Variants in CMPK2 observed in about 807,000 individuals in gnomAD.
CMPK2 encodes the protein UMP-CMP kinase 2, mitochondrial.
In CMPK2, 32 loss-of-function variants were observed where a neutral mutation model predicts 33.4. The observed-to-expected ratio is 0.96, with a 90% confidence interval of 0.72 to 1.29. The LOEUF (loss-of-function observed/expected upper bound fraction) is 1.29, where lower values mean the gene tolerates loss of function less well. CMPK2 is among the 50% of genes most tolerant of loss of function. The pLI, the probability that CMPK2 is intolerant of heterozygous loss-of-function variation, is 0.00. For missense variants in CMPK2, 672 were observed against 616.0 expected, an observed-to-expected ratio of 1.09 and a Z score of -0.96; for synonymous variants, 299 against 275.3, an observed-to-expected ratio of 1.09 and a Z score of -0.85.
intron 3 of CMPK2, among the ~76,000 whole-genome samples, chr2:6,853,889 G>A (rs969857421): frequency 3.3e-5 from 5 of 151,716 alleles, no homozygotes; most frequent in East Asian, 1.9e-4. Context: ...GCAACAGAGC[G>A]AGACTTCATC....
rs114857686 is a variant in CMPK2 at position 6,849,857 on chromosome 2, T to C, written c.1343A>G (p.Glu448Gly). The C allele has an allele frequency of 2.0e-3, 3,163 of 1,613,862 alleles. 62 individuals are homozygous for C. In the African/African-American group the frequency reaches 0.038, roughly 19 times the overall value. ...VLSLIQNSFS[E>G]P Reference sequence around the variant, plus strand: ...GGCACCTGGCCAGAGTAACTACGGTTCACTAAAACTATTCTGGATTAGGCT... The same window carrying C: ...GGCACCTGGCCAGAGTAACTACGGTCCACTAAAACTATTCTGGATTAGGCT... Residue 448 changes from glutamate to glycine, a missense_variant, in exon 5 of 5, where the codon GAA becomes GGA. Coordinates refer to ENST00000256722, the MANE Select transcript of CMPK2 (RefSeq NM_207315.4).
rs151223647 is a variant in CMPK2, at chr2:6,842,693, A to G, written c.993-2015T>C. On this transcript the variant is annotated intron_variant, in intron 3 of 3. Transcript: ENST00000458098. ...TGCCTTCTGAGCCTTAGGTTCCCAG[A>G]TCAGGGAGTGAGTTTCAGCTATTGA... Among the ~76,000 whole-genome samples the G allele has an allele frequency of 4.9e-3, 751 of 152,322 alleles. 5 individuals carry two copies. The highest frequency in any genetic ancestry group is 8.3e-3 in the Non-Finnish European group (568 of 68,030).
chr2:6,848,512 T>C lies in CMPK2; in HGVS notation c.*1338A>G, dbSNP rs967220884. 5.2e-6 allele frequency: 5 copies of C among 967,076 alleles called. No individual in the cohort carries two copies. The African/African-American group carries it at 8.8e-5, about 17-fold the overall frequency. The allele number at this position is 967,076 out of a possible 1,614,324, so 59.9% of individuals were successfully genotyped here. On this transcript the variant is annotated 3_prime_UTR_variant, in exon 5 of 5. Transcript: ENST00000256722. The stretch of plus-strand genomic sequence containing the variant: ...TTAAAATACTTTCAACTGAAATCAA[T>C]TACATTTTAATATACACATATTATA...
chr2:6,860,721 T>C (rs930441950), intron 3 of CMPK2, among the ~76,000 whole-genome samples: 4 of 152,340 alleles, frequency 2.6e-5, no homozygotes, highest in Admixed American at 2.0e-4. Context: ...TGGTTTATCA[T>C]TGAATCCTCT....
At chr2:6,862,679 T>G (rs1662918600) in intron 2 of CMPK2, among the ~76,000 whole-genome samples, 1 of 152,216 alleles carries the variant, frequency 6.6e-6, no homozygotes, top group Non-Finnish European at 1.5e-5. Context: ...GGCCAGGACA[T>G]GGCCCGCTCC....
At position 6,843,023 on chromosome 2, in the gene CMPK2, G is replaced by A. The variant is rs565778361; in HGVS notation, c.993-2345C>T. ...AAGTCCCTCAGTTGGGACACAGAGG[G>A]GAATATCATCTACTTATTGTAAAAC... On this transcript the variant is annotated intron_variant, in intron 3 of 3. Coordinates refer to the CMPK2 transcript ENST00000458098. 2.1e-3 allele frequency among the ~76,000 whole-genome samples: 316 copies of A among 152,246 alleles called. 1 individual carries two copies. The highest frequency in any genetic ancestry group is 3.5e-3 in the Non-Finnish European group (238 of 68,014).
At position 6,865,077 on chromosome 2, in the gene CMPK2, A is replaced by G; in HGVS notation, c.620T>C (p.Leu207Ser). 2 of 1,478,572 alleles carry G rather than the reference A, an allele frequency of 1.4e-6. No homozygotes were observed. The highest frequency in any genetic ancestry group is 1.4e-5 in the South Asian group (1 of 73,602). The allele number at this position is 1,478,572 out of a possible 1,614,324, so 91.6% of individuals were successfully genotyped here. The change falls in exon 1 of 5, where the codon TTG becomes TCG. Residue 207 changes from leucine to serine, a missense_variant. Coordinates refer to ENST00000256722, the MANE Select transcript of CMPK2 (RefSeq NM_207315.4). ...EPPLHPVVPD[L>S]PSSVVFPDRE... ...GTCCGGGAAGACCACGGAACTGGGC[A>G]AGTCTGGCACCACCGGGTGCAGCGG...
chr2:6,850,638 T>G, intron 4 of CMPK2: 1 of 617,780 alleles, frequency 1.6e-6, no homozygotes, highest in Non-Finnish European at 2.0e-6. Flanking sequence ...AAATGAAGAC[T>G]GAAACCGTAC....
chr2:6,865,094 G>A lies in CMPK2; in HGVS notation c.603C>T (p.His201=). The A allele has an allele frequency of 6.7e-7, 1 of 1,496,558 alleles. No homozygotes were observed. Among genetic ancestry groups the A allele is most frequent in the Non-Finnish European group, 8.9e-7 (1 of 1,122,638 alleles). The allele number at this position is 1,496,558 out of a possible 1,614,324, so 92.7% of individuals were successfully genotyped here. Residue 201 remains histidine (H), a synonymous_variant, in exon 1 of 5, where the codon CAC becomes CAT. Transcript: ENST00000256722. ...AACTGGGCAAGTCTGGCACCACCGG[G>A]TGCAGCGGGGGCTCCGGGACGGGCA... ...QVVPVPEPPL[H]PVVPDLPSSV...
At chr2:6,854,334 C>T (rs1306457465) in intron 3 of CMPK2, among the ~76,000 whole-genome samples, 1 of 152,120 alleles carries the variant, frequency 6.6e-6, no homozygotes, top group Non-Finnish European at 1.5e-5. Flanking sequence ...AAGACTCCAA[C>T]CTTAACCACA....
At chr2:6,858,455 C>G (rs766412246) in intron 3 of CMPK2, among the ~76,000 whole-genome samples, 2 of 152,166 alleles carry the variant, frequency 1.3e-5, no homozygotes, top group Non-Finnish European at 2.9e-5. Flanking sequence ...ACTTATCTAT[C>G]TCATTGATAT....
chr2:6,846,724 C>T (rs1283356278), downstream of CMPK2, among the ~76,000 whole-genome samples: 1 of 152,172 alleles, frequency 6.6e-6, no homozygotes, highest in Non-Finnish European at 1.5e-5. Context: ...CCTTCAGTTG[C>T]CCTGGGACCT....
At position 6,849,149 on chromosome 2, in the gene CMPK2, C is replaced by T; in HGVS notation, c.*701G>A. 1 of 984,514 alleles carries T rather than the reference C, an allele frequency of 1.0e-6. No homozygotes were observed. The allele number at this position is 984,514 out of a possible 1,614,324, so 61.0% of individuals were successfully genotyped here. On this transcript the variant is annotated 3_prime_UTR_variant, in exon 5 of 5. Coordinates refer to ENST00000256722, the MANE Select transcript of CMPK2 (RefSeq NM_207315.4). ...AAATATAAATAAGCAAAATATAATTCAGAGAAGGTTGGTATATTTGCAGTT... is the reference window on the plus strand; with the variant it reads ...AAATATAAATAAGCAAAATATAATTTAGAGAAGGTTGGTATATTTGCAGTT...
chr2:6,864,113 G>C (rs897100269), intron 1 of CMPK2, among the ~76,000 whole-genome samples: 2 of 152,210 alleles, frequency 1.3e-5, no homozygotes, highest in Non-Finnish European at 2.9e-5. Flanking sequence ...CAGCATCTCA[G>C]AGCGAGGCTC....
upstream of CMPK2, chr2:6,866,402 A>C (rs1246712849): frequency 2.0e-6 from 2 of 981,946 alleles, no homozygotes; most frequent in Non-Finnish European, 2.4e-6. Context: ...ACCTGTGCAC[A>C]CACTCACCTT....
At chr2:6,864,896 T>C (rs1012852666) in intron 1 of CMPK2, 126 bp downstream of exon 1, 5 of 1,283,500 alleles carry the variant, frequency 3.9e-6, no homozygotes, top group Admixed American at 8.1e-5. Flanking sequence ...CCTACCTGAT[T>C]TGTGAACGGA....
At chr2:6,857,112 A>G (rs1185429584) in intron 3 of CMPK2, among the ~76,000 whole-genome samples, 2 of 152,190 alleles carry the variant, frequency 1.3e-5, no homozygotes, top group East Asian at 1.9e-4. Context: ...TATCATATGA[A>G]GAAACCTTTA....
At chr2:6,854,024 T>C (rs1346016532) in intron 3 of CMPK2, among the ~76,000 whole-genome samples, 1 of 152,194 alleles carries the variant, frequency 6.6e-6, no homozygotes, top group East Asian at 1.9e-4. Context: ...TCCTGTGAAT[T>C]CTGCCTGGAC....
In CMPK2 at chr2:6,865,540, C is replaced by T. The variant is rs1663050498; in HGVS notation, c.157G>A (p.Gly53Ser). The T allele has an allele frequency of 1.5e-6, 2 of 1,302,442 alleles. No individual in the cohort carries two copies. The highest frequency in any genetic ancestry group is 1.9e-6 in the Non-Finnish European group (2 of 1,030,860). 80.7% of individuals were successfully genotyped at this position (1,302,442 alleles called of 1,614,324 possible). A position where few individuals can be genotyped will look rare whatever the true frequency, so the allele number is the denominator to read the frequency against. The change falls in exon 1 of 5, where the codon GGC (glycine) becomes AGC (serine). Residue 53 changes from glycine to serine, a missense_variant. Physicochemically the swap from Gly to Ser is moderately conservative, Grantham distance 56 (BLOSUM62 0). Coordinates refer to ENST00000256722, the MANE Select transcript of CMPK2 (RefSeq NM_207315.4). Reference sequence around the variant, plus strand: ...CGGGGGTCGGGGGCGTCTGCGTCGCCGGGGGCGTCGGCGCCTAGGGCGAAG... The same window carrying T: ...CGGGGGTCGGGGGCGTCTGCGTCGCTGGGGGCGTCGGCGCCTAGGGCGAAG... Reference protein sequence around the residue: ...AHFALGADAPGDADAPDPRLA... With the variant: ...AHFALGADAPSDADAPDPRLA...
Sources: gnomAD v4.1 joint callset for allele counts (sites outside exome capture counted in the v4.1 genomes callset) on GRCh38, gnomAD v4.1.1 for gene constraint, MANE v1.5 for transcripts, NCBI Gene and HGNC (gene_info 2026-07-23, HGNC 2026-07-21) for gene names.